TP73: variants seen among roughly 807,000 people sequenced by gnomAD.
TP73 encodes p53-like transcription factor.
TP73 carries 25 observed loss-of-function variants against 62.5 expected under a neutral mutation model. The ratio of observed to expected loss-of-function variants is 0.40; its 90% CI spans 0.29 to 0.56. The LOEUF (loss-of-function observed/expected upper bound fraction) is 0.56. Ranked by LOEUF, TP73 falls within the 20% of genes least tolerant of loss-of-function variation. TP73 has a pLI of 0.46. For missense variants in TP73, 754 were observed against 913.3 expected (o/e 0.83, Z 2.25); for synonymous variants, 423 against 377.5 (o/e 1.12, Z -1.40).
intron 1 of TP73, among the ~76,000 whole-genome samples, chr1:3,681,753 A>T (rs920278229): frequency 6.6e-6 from 1 of 152,066 alleles, no homozygotes; most frequent in African/African-American, 2.4e-5. Context: ...CGCTGTTCCC[A>T]AGATGGGGTG....
At chr1:3,652,850 T>G (rs1314013791) in intron 1 of TP73, 2 of 152,038 alleles carry the variant, frequency 1.3e-5, no homozygotes, top group Non-Finnish European at 2.9e-5. Context: ...GCGGCCAGAG[T>G]CTAGCCTGCG....
intron 8 of TP73, 51 bp downstream of exon 8, chr1:3,727,821 C>T: frequency 6.8e-7 from 1 of 1,478,934 alleles, no homozygotes; most frequent in South Asian, 1.3e-5. Flanking sequence ...GAAGGGGACA[C>T]ATTGGCAGGA....
chr1:3,710,621 A>G (rs1311713899), intron 4 of TP73, among the ~76,000 whole-genome samples: 1 of 152,206 alleles, frequency 6.6e-6, no homozygotes, highest in Non-Finnish European at 1.5e-5. Flanking sequence ...CCCGATCAGG[A>G]AAAACACCCT....
intron 6 of TP73, 141 bp downstream of exon 6, chr1:3,723,610 G>C (rs1373891660): frequency 8.9e-6 from 6 of 677,772 alleles, no homozygotes; most frequent in South Asian, 8.7e-5. Flanking sequence ...AGGGCTCCCT[G>C]CTCTGTGATA....
intron 6 of TP73, among the ~76,000 whole-genome samples, chr1:3,725,467 G>T (rs1056931892): frequency 2.0e-5 from 3 of 147,846 alleles, no homozygotes; most frequent in African/African-American, 7.5e-5. Context: ...AAATGGGGTG[G>T]GTGGGTGAGT....
intron 11 of TP73, among the ~76,000 whole-genome samples, chr1:3,730,513 C>T (rs1056720082): frequency 1.3e-5 from 2 of 152,210 alleles, no homozygotes; most frequent in East Asian, 3.8e-4. Flanking sequence ...AAGACCTCAT[C>T]AGGGGCCCCA....
At chr1:3,695,410 G>C (rs955256341) in intron 3 of TP73, among the ~76,000 whole-genome samples, 1 of 152,244 alleles carries the variant, frequency 6.6e-6, no homozygotes, top group African/African-American at 2.4e-5. Flanking sequence ...TCTCTATGGA[G>C]GGGCTGGAGC....
intron 1 of TP73, among the ~76,000 whole-genome samples, chr1:3,681,215 C>T (rs1292980650): frequency 1.3e-5 from 2 of 152,248 alleles, no homozygotes; most frequent in Admixed American, 6.5e-5. Flanking sequence ...CCTGCACCCC[C>T]GCTGGCCGTG....
chr1:3,679,334 C>G (rs190215407), intron 1 of TP73, among the ~76,000 whole-genome samples: 2 of 152,238 alleles, frequency 1.3e-5, no homozygotes, highest in African/African-American at 4.8e-5. Context: ...AGGGATGCCC[C>G]GTGCACACCT....
rs551225615 is a variant in TP73 at position 3,673,402 on chromosome 1, C to A, written c.-33-8931C>A. Among the ~76,000 whole-genome samples the A allele has an allele frequency of 7.7e-4, 117 of 152,170 alleles. 2 individuals carry two copies. Among genetic ancestry groups the A allele is most frequent in the Non-Finnish European group, 2.6e-4 (18 of 68,018 alleles). On this transcript the variant is annotated intron_variant, in intron 1 of 13. Coordinates refer to ENST00000378295, the MANE Select transcript of TP73 (RefSeq NM_005427.4). ...ATACTAAATAACCGTCGGTCAATGG[C>A]AACTCGATACGGTTTATGGGGCATC...
intron 3 of TP73, among the ~76,000 whole-genome samples, chr1:3,684,779 C>T (rs1180550648): frequency 6.6e-6 from 1 of 151,744 alleles, no homozygotes; most frequent in African/African-American, 2.4e-5. Context: ...CTCAGGAGAC[C>T]GTCCCAGTGG....
At chr1:3,658,472 C>T (rs1372871022) in intron 1 of TP73, among the ~76,000 whole-genome samples, 1 of 152,144 alleles carries the variant, frequency 6.6e-6, no homozygotes, top group African/African-American at 2.4e-5. Flanking sequence ...GCCTGGGCTT[C>T]TGGGGAGCGG....
Position 3,733,828 on chromosome 1 carries a change from A to T in TP73, c.*749A>T, listed in dbSNP as rs1642311697. 6.6e-6 allele frequency: 1 copy of T among 151,014 alleles called. No homozygotes were observed. Among genetic ancestry groups the T allele is most frequent in the Admixed American group, 6.6e-5 (1 of 15,156 alleles). 9.4% of individuals were successfully genotyped at this position (151,014 alleles called of 1,614,324 possible). A position where few individuals can be genotyped will look rare whatever the true frequency, so the allele number is the denominator to read the frequency against. ...TGGCCACAGTCGCCTCTCCTCGGGG[A>T]CCCCTCAGCAGAAAGGGACAGCCTG... On this transcript the variant is annotated 3_prime_UTR_variant, in exon 14 of 14. Transcript: ENST00000378295.
chr1:3,684,836 G>A (rs1645613639), intron 3 of TP73, among the ~76,000 whole-genome samples: 2 of 151,756 alleles, frequency 1.3e-5, no homozygotes. Context: ...TGTTATGGGT[G>A]AGGAAACCGA....
chr1:3,665,446 T>C (rs1170683312), intron 1 of TP73, among the ~76,000 whole-genome samples: 1 of 152,226 alleles, frequency 6.6e-6, no homozygotes, highest in African/African-American at 2.4e-5. Flanking sequence ...CAAGAATTCA[T>C]TGTCTAATGT....
chr1:3,685,827 G>T (rs560997637), intron 3 of TP73, among the ~76,000 whole-genome samples: 12 of 152,346 alleles, frequency 7.9e-5, no homozygotes, highest in African/African-American at 2.9e-4. Context: ...ACCCGGTTCA[G>T]TGCGGATGCG....
At chr1:3,732,596 G>A (rs1292919423) in intron 13 of TP73, 151 bp from the exon 14 acceptor site, 2 of 681,482 alleles carry the variant, frequency 2.9e-6, no homozygotes, top group East Asian at 5.5e-5. Context: ...GAGTGACTCT[G>A]GTGGGCTCTC....
At position 3,699,173 on chromosome 1, in the gene TP73, T is replaced by C. The variant is rs1333994663; in HGVS notation, c.187-8376T>C. Among the ~76,000 whole-genome samples, 1 of 152,008 alleles carries C rather than the reference T, an allele frequency of 6.6e-6. No homozygotes were observed. The highest frequency in any genetic ancestry group is 1.5e-5 in the Non-Finnish European group (1 of 67,978). On this transcript the variant is annotated intron_variant, in intron 3 of 13. Transcript: ENST00000378295. The surrounding 1 kb of genome is among the most constrained non-coding windows in gnomAD (Gnocchi z 4.1). ...AGCCGCATGTCGAATCTTGTTGGCA[T>C]TTCCATTCGTTTAATCACGGGCTCC... is the stretch of plus-strand genomic sequence containing the variant.
In TP73 at chr1:3,716,304, A is replaced by G. The variant is rs140743169; in HGVS notation, c.430-5717A>G. Among the ~76,000 whole-genome samples the G allele has an allele frequency of 7.4e-3, 1,123 of 152,230 alleles. 5 individuals carry two copies. Among genetic ancestry groups the G allele is most frequent in the Non-Finnish European group, 0.012 (820 of 68,006 alleles). On this transcript the variant is annotated intron_variant, in intron 4 of 13. Transcript: ENST00000378295. Reference sequence around the variant, plus strand: ...AGCCCCCCCAGCCAGGAGCTCTTTCACAGCAGCCTCTTTTCTTGGGCAGCG... The same window carrying G: ...AGCCCCCCCAGCCAGGAGCTCTTTCGCAGCAGCCTCTTTTCTTGGGCAGCG...
Sources: allele counts gnomAD v4.1 joint callset (sites outside exome capture counted in the v4.1 genomes callset), GRCh38; gene constraint gnomAD v4.1.1; non-coding constraint Gnocchi (gnomAD v3.1); transcripts MANE v1.5; gene names NCBI Gene and HGNC (gene_info 2026-07-23, HGNC 2026-07-21).